Variants in SRGAP2B observed in about 807,000 individuals in gnomAD.
SRGAP2B encodes the protein SLIT-ROBO Rho GTPase-activating protein 2B.
Under a neutral mutation model 22.2 loss-of-function variants are expected in SRGAP2B, and 9 were observed. The observed-to-expected ratio is 0.41, with a 90% CI of 0.24 to 0.71. The LOEUF (loss-of-function observed/expected upper bound fraction) is 0.71, where lower values mean the gene tolerates loss of function less well. Ranked by LOEUF, SRGAP2B falls within the 30% of genes least tolerant of loss-of-function variation. The probability of loss-of-function intolerance (pLI) is 0.35; values close to 1 mark genes in which losing one functional copy is unlikely to be tolerated. For synonymous variants in SRGAP2B, 36 were observed against 87.4 expected, an observed-to-expected ratio of 0.41 and a Z score of 3.28; for missense variants, 114 against 235.8, an observed-to-expected ratio of 0.48 and a Z score of 3.38.
chr1:145,001,710 C>T (rs1553619853), intron 2 of SRGAP2B, among the ~76,000 whole-genome samples: 1 of 149,700 alleles, frequency 6.7e-6, no homozygotes, highest in East Asian at 2.0e-4. Flanking sequence ...TTCTGCATTA[C>T]TTTACTCTAT....
chr1:144,941,483 G>C (rs1329840202), intron 4 of SRGAP2B, among the ~76,000 whole-genome samples: 1 of 147,870 alleles, frequency 6.8e-6, no homozygotes, highest in Non-Finnish European at 1.5e-5. Flanking sequence ...ATGATTTGTA[G>C]AGAACAGAGA....
At position 145,062,987 on chromosome 1, in the gene SRGAP2B, C is replaced by G. The variant is rs6701229; in HGVS notation, c.67+29848G>C. Among the ~76,000 whole-genome samples, 30 of 149,596 alleles carry G rather than the reference C, an allele frequency of 2.0e-4. 4 individuals are homozygous for G. The highest frequency in any genetic ancestry group is 7.3e-4 in the African/African-American group (29 of 39,590). On this transcript the variant is annotated intron_variant, in intron 2 of 9. Transcript: ENST00000612199. ...TCACTACAAACAAAATAGAGTAAGT[C>G]GTATTAACGACTTACTTGCGTTCTA...
chr1:144,909,400 C>G (rs1256033648), intron 5 of SRGAP2B, among the ~76,000 whole-genome samples: 1 of 144,746 alleles, frequency 6.9e-6, no homozygotes, highest in African/African-American at 2.7e-5. Context: ...CTGGCTAACA[C>G]GATGAAACCC....
At chr1:145,072,771 CA>C (rs879959006) in intron 2 of SRGAP2B, among the ~76,000 whole-genome samples, 6 of 149,792 alleles carry the variant, frequency 4.0e-5, no homozygotes, top group Non-Finnish European at 5.9e-5. Flanking sequence ...CTCCCCATTC[CA>C]AAGTTATTCA....
At position 144,958,357 on chromosome 1, in the gene SRGAP2B, CTAA is replaced by C. The variant is rs1305577093; in HGVS notation, c.261-2759_261-2757del. Among the ~76,000 whole-genome samples the C allele has an allele frequency of 6.6e-5, 10 of 150,866 alleles. No individual in the cohort carries two copies. In the East Asian group the frequency reaches 1.9e-3, roughly 29 times the overall value. On this transcript the variant is annotated intron_variant, in intron 3 of 9. Coordinates refer to ENST00000612199, the Ensembl canonical transcript of SRGAP2B. ...AAATAAAATGCCTTACCACTTAATG[CTAA>C]TAAGTTTTATTGAGAACTTGTAAGG... is the stretch of plus-strand genomic sequence containing the variant.
intron 2 of SRGAP2B, among the ~76,000 whole-genome samples, chr1:145,068,157 C>T (rs1474732817): frequency 1.1e-4 from 6 of 54,864 alleles, no homozygotes. Context: ...GAGCCGAGAT[C>T]GCACCACTGC....
intron 1 of SRGAP2B, among the ~76,000 whole-genome samples, chr1:145,094,040 G>A (rs1654227180): frequency 7.0e-6 from 1 of 142,050 alleles, no homozygotes; most frequent in Admixed American, 6.9e-5. Context: ...AGCAGGAAAC[G>A]GGTTAGAGGA....
At chr1:144,965,319 T>G (rs1325175089) in intron 3 of SRGAP2B, among the ~76,000 whole-genome samples, 1 of 143,932 alleles carries the variant, frequency 6.9e-6, no homozygotes, top group Non-Finnish European at 1.5e-5. Context: ...CCTCCTCAAG[T>G]GGGTCCCTGA....
chr1:144,939,442 C>A (rs1197881428), intron 4 of SRGAP2B, among the ~76,000 whole-genome samples: 4 of 148,868 alleles, frequency 2.7e-5, no homozygotes, highest in Admixed American at 6.7e-5. Flanking sequence ...CTATAGACAA[C>A]AAATTGTCTG....
intron 3 of SRGAP2B, among the ~76,000 whole-genome samples, chr1:144,977,215 T>TG (rs1315197934): frequency 2.8e-5 from 2 of 71,620 alleles, no homozygotes; most frequent in African/African-American, 6.1e-5. Context: ...ATGGTATTCC[T>TG]GCCAAAAGTG....
chr1:145,022,738 C>A (rs1553624343), intron 2 of SRGAP2B, among the ~76,000 whole-genome samples: 1 of 150,266 alleles, frequency 6.7e-6, no homozygotes, highest in Non-Finnish European at 1.5e-5. Context: ...CTTGCTGCTG[C>A]CTTGGAAGAT....
chr1:145,013,905 C>A (rs6672421), intron 2 of SRGAP2B, among the ~76,000 whole-genome samples: 1 of 149,640 alleles, frequency 6.7e-6, no homozygotes, highest in Admixed American at 6.6e-5. Context: ...GGTTTTGCAA[C>A]CACCACTTAG....
chr1:144,953,576 G>A (rs370654518), intron 4 of SRGAP2B, among the ~76,000 whole-genome samples: 28 of 152,136 alleles, frequency 1.8e-4, no homozygotes, highest in African/African-American at 6.0e-4. Flanking sequence ...ATTCACAGAC[G>A]AATTTTCTTC....
At chr1:144,985,278 T>C (rs1669629554) in intron 3 of SRGAP2B, among the ~76,000 whole-genome samples, 2 of 136,986 alleles carry the variant, frequency 1.5e-5, no homozygotes, top group Non-Finnish European at 3.1e-5. Flanking sequence ...TCAACAAATA[T>C]GTGTTGAGGA....
chr1:144,904,698 C>CA (rs1192600476), intron 7 of SRGAP2B, among the ~76,000 whole-genome samples: 4,727 of 16,806 alleles, frequency 0.28, 711 homozygotes, highest in African/African-American at 0.33. Flanking sequence ...GACTCTATCT[C>CA]AAAAAAAAAA....
intron 2 of SRGAP2B, among the ~76,000 whole-genome samples, chr1:144,997,492 A>C (rs1207997756): frequency 6.7e-6 from 1 of 149,766 alleles, no homozygotes; most frequent in Non-Finnish European, 1.5e-5. Context: ...CCAGGTACTG[A>C]ATCAGTAACA....
At position 144,964,018 on chromosome 1, in the gene SRGAP2B, C is replaced by A. The variant is rs370886367; in HGVS notation, c.261-8417G>T. 1.1e-3 allele frequency among the ~76,000 whole-genome samples: 160 copies of A among 150,732 alleles called. 1 individual carries two copies. The South Asian group carries it at 0.032, about 30-fold the overall frequency. On this transcript the variant is annotated intron_variant, in intron 3 of 9. Coordinates refer to ENST00000612199, the Ensembl canonical transcript of SRGAP2B. ...AAAAGGAGGGAAAAAAAATAAAATTCTTGATTCTGTGAAACTATAGATCTA... is the reference window on the plus strand; with the variant it reads ...AAAAGGAGGGAAAAAAAATAAAATTATTGATTCTGTGAAACTATAGATCTA...
chr1:144,925,823 C>T (rs367666773), intron 4 of SRGAP2B, among the ~76,000 whole-genome samples: 3,032 of 79,610 alleles, frequency 0.038, no homozygotes, highest in Admixed American at 0.052. Context: ...AGGAATCTAC[C>T]TGGCCTGATT....
chr1:145,012,524 A>G (rs1672131463), intron 2 of SRGAP2B, among the ~76,000 whole-genome samples: 1 of 100,744 alleles, frequency 9.9e-6, no homozygotes, highest in Non-Finnish European at 1.9e-5. Flanking sequence ...TTCCTTCATT[A>G]TTTATGATAG....
Sources: allele counts gnomAD v4.1 joint callset (sites outside exome capture counted in the v4.1 genomes callset), GRCh38; gene constraint gnomAD v4.1.1; transcripts MANE v1.5; gene names NCBI Gene and HGNC (gene_info 2026-07-23, HGNC 2026-07-21).